STPG2: variants seen among roughly 807,000 people sequenced by gnomAD.
STPG2 encodes the protein sperm-tail PG-rich repeat-containing protein 2.
STPG2 carries 56 observed loss-of-function variants against 54.2 expected under a neutral mutation model. That is an observed-to-expected ratio of 1.03 (90% CI 0.83 to 1.29). The LOEUF (loss-of-function observed/expected upper bound fraction) is 1.29. Ranked by LOEUF, STPG2 falls within the 50% of genes most tolerant of loss-of-function variation. The pLI is 0.00. For synonymous variants in STPG2, 200 were observed against 181.8 expected, an observed-to-expected ratio of 1.10 and a Z score of -0.81; for missense variants, 596 against 544.9, an observed-to-expected ratio of 1.09 and a Z score of -0.93.
At chr4:97,772,198 A>C (rs910994063) in intron 9 of STPG2, among the ~76,000 whole-genome samples, 5 of 152,228 alleles carry the variant, frequency 3.3e-5, no homozygotes, top group African/African-American at 7.2e-5. Flanking sequence ...GAGAGCTGGG[A>C]TATATGCCAT....
At chr4:97,534,131 T>C (rs1304540023) in intron 4 of STPG2, among the ~76,000 whole-genome samples, 2 of 152,166 alleles carry the variant, frequency 1.3e-5, no homozygotes, top group Non-Finnish European at 2.9e-5. Context: ...ATTATTGTGG[T>C]TTTTATTTGC....
In STPG2 at chr4:97,842,629, T is replaced by C. The variant is rs181864297; in HGVS notation, c.1045-1697A>G. ...GGATATAATTGATAAGTTTGGCTAC[T>C]GCCACACAGAAACTATTTTTTTTAA... On this transcript the variant is annotated intron_variant, in intron 8 of 10. Transcript: ENST00000295268. Among the ~76,000 whole-genome samples the C allele has an allele frequency of 2.6e-3, 393 of 152,050 alleles. 2 individuals carry two copies. Among genetic ancestry groups the C allele is most frequent in the African/African-American group, 8.8e-3 (367 of 41,542 alleles).
At chr4:98,076,132 T>C (rs1376132463) in intron 5 of STPG2, among the ~76,000 whole-genome samples, 1 of 151,796 alleles carries the variant, frequency 6.6e-6, no homozygotes, top group Non-Finnish European at 1.5e-5. Context: ...TAGTCCCAGC[T>C]ACTCAGGAGG....
At chr4:97,762,728 A>C (rs887313838) in intron 9 of STPG2, among the ~76,000 whole-genome samples, 7 of 152,174 alleles carry the variant, frequency 4.6e-5, no homozygotes, top group Non-Finnish European at 8.8e-5. Flanking sequence ...CAAAACAATA[A>C]AATAAGTCAT....
At chr4:97,797,941 T>C (rs1308189085) in intron 9 of STPG2, among the ~76,000 whole-genome samples, 4 of 152,226 alleles carry the variant, frequency 2.6e-5, no homozygotes, top group African/African-American at 4.8e-5. Flanking sequence ...CAGGAACTTA[T>C]CCATTTCTTC....
chr4:97,751,767 A>T (rs982532542), intron 9 of STPG2, among the ~76,000 whole-genome samples: 1 of 151,758 alleles, frequency 6.6e-6, no homozygotes. Context: ...AAATTTCTCC[A>T]GAGGTCCTCT....
intron 9 of STPG2, among the ~76,000 whole-genome samples, chr4:97,765,804 T>A (rs1186961787): frequency 6.6e-6 from 1 of 152,154 alleles, no homozygotes; most frequent in East Asian, 1.9e-4. Context: ...TTGAAGGAAC[T>A]GGGATGTTCT....
chr4:98,034,907 G>A (rs1256476398), intron 5 of STPG2, among the ~76,000 whole-genome samples: 3 of 152,166 alleles, frequency 2.0e-5, no homozygotes, highest in Non-Finnish European at 4.4e-5. Flanking sequence ...GCAGAAAGCT[G>A]AAACTGGATC....
At chr4:97,928,433 C>T (rs959605303) in intron 8 of STPG2, among the ~76,000 whole-genome samples, 1 of 152,110 alleles carries the variant, frequency 6.6e-6, no homozygotes, top group Non-Finnish European at 1.5e-5. Flanking sequence ...TAGTGCCATT[C>T]CAAATGCATA....
At chr4:97,449,318 T>C (rs1339370008) in intron 4 of STPG2, among the ~76,000 whole-genome samples, 1 of 152,158 alleles carries the variant, frequency 6.6e-6, no homozygotes, top group Non-Finnish European at 1.5e-5. Flanking sequence ...CTCTCAGCAT[T>C]TATCCTTTCA....
At chr4:97,883,885 G>T (rs1261165124) in intron 8 of STPG2, among the ~76,000 whole-genome samples, 1 of 152,050 alleles carries the variant, frequency 6.6e-6, no homozygotes, top group Non-Finnish European at 1.5e-5. Context: ...AAAAAGTAAT[G>T]ATCAAAGAAC....
At chr4:97,801,669 C>T (rs1028326445) in intron 9 of STPG2, among the ~76,000 whole-genome samples, 17 of 151,968 alleles carry the variant, frequency 1.1e-4, no homozygotes, top group African/African-American at 3.9e-4. Context: ...TTTCTTTCTT[C>T]TTCCCCATAA....
chr4:97,988,501 G>T (rs911584801), intron 5 of STPG2, among the ~76,000 whole-genome samples: 1 of 152,156 alleles, frequency 6.6e-6, no homozygotes, highest in African/African-American at 2.4e-5. Flanking sequence ...GAATGGATGG[G>T]TACATGAATT....
At chr4:97,927,809 C>T (rs903697923) in intron 8 of STPG2, among the ~76,000 whole-genome samples, 5 of 152,004 alleles carry the variant, frequency 3.3e-5, no homozygotes, top group Admixed American at 6.6e-5. Context: ...AACTATAGTA[C>T]TCAATGAGTT....
intron 4 of STPG2, among the ~76,000 whole-genome samples, chr4:97,549,228 ATTG>A (rs1310166765): frequency 2.6e-5 from 4 of 152,174 alleles, no homozygotes; most frequent in Non-Finnish European, 5.9e-5. Context: ...ACATTACACC[ATTG>A]TTGTGAAAAT....
At chr4:97,442,526 A>G (rs1729115469) in intron 4 of STPG2, among the ~76,000 whole-genome samples, 1 of 152,082 alleles carries the variant, frequency 6.6e-6, no homozygotes, top group African/African-American at 2.4e-5. Context: ...TAGCTTTTTG[A>G]GGGTCTTCAG....
intron 10 of STPG2, among the ~76,000 whole-genome samples, chr4:97,573,748 T>C (rs1232858286): frequency 2.0e-5 from 3 of 152,140 alleles, no homozygotes; most frequent in African/African-American, 7.2e-5. Flanking sequence ...ATAGGAAGCA[T>C]GGCTTAGTGG....
chr4:97,968,850 C>T (rs1361477414), intron 7 of STPG2, among the ~76,000 whole-genome samples: 1 of 152,140 alleles, frequency 6.6e-6, no homozygotes, highest in Non-Finnish European at 1.5e-5. Flanking sequence ...CAATGCCAGG[C>T]TGGGCTGCCA....
chr4:97,561,636 G>A (rs1335017961), intron 10 of STPG2, among the ~76,000 whole-genome samples: 1 of 152,160 alleles, frequency 6.6e-6, no homozygotes, highest in Non-Finnish European at 1.5e-5. Flanking sequence ...AAGGGGTAAG[G>A]AAGGGATTCA....
Sources: allele counts gnomAD v4.1 joint callset (sites outside exome capture counted in the v4.1 genomes callset), GRCh38; gene constraint gnomAD v4.1.1; transcripts MANE v1.5; gene names NCBI Gene and HGNC (gene_info 2026-07-23, HGNC 2026-07-21).